Variants in KCNG4 observed in about 807,000 individuals in gnomAD.
KCNG4 encodes the protein potassium voltage-gated channel modifier subfamily G member 4, also known as voltage-gated potassium channel regulatory subunit KCNG4.
A neutral mutation model predicts 28.2 loss-of-function variants in KCNG4; 30 were observed. The observed-to-expected ratio is 1.06, with a 90% CI of 0.80 to 1.44. The LOEUF is 1.44. Among genes scored for constraint, KCNG4 ranks in the 40% most tolerant of loss-of-function variants. The pLI is 0.00. For synonymous variants in KCNG4, 375 were observed against 315.5 expected (o/e 1.19, Z -2.00); for missense variants, 879 against 712.3 (o/e 1.23, Z -2.66).
At position 84,236,817 on chromosome 16, in the gene KCNG4, G is replaced by A. The variant is rs370292291; in HGVS notation, c.669C>T (p.Phe223=). 14 of 1,613,732 alleles carry A rather than the reference G, an allele frequency of 8.7e-6. No individual in the cohort carries two copies. Among genetic ancestry groups the A allele is most frequent in the East Asian group, 2.2e-5 (1 of 44,864 alleles). The change falls in exon 2 of 3, where the codon TTC becomes TTT. Residue 223 remains phenylalanine, a synonymous_variant. Transcript: ENST00000308251. ...NPQSGLPGKV[F]ACLSILFVAT... is the part of the protein sequence containing the mutation. ...CCACGAAGAGGATGGAGAGGCAAGC[G>A]AAGACCTTCCCGGGCAGCCCGGACT...
intron 2 of KCNG4, among the ~76,000 whole-genome samples, chr16:84,223,823 C>T (rs1179150752): frequency 1.3e-5 from 2 of 152,146 alleles, no homozygotes; most frequent in African/African-American, 2.4e-5. Context: ...ATGGTTCTAA[C>T]CCCGGGCATT....
At chr16:84,227,883 G>C (rs1415011737) in intron 2 of KCNG4, among the ~76,000 whole-genome samples, 2 of 152,194 alleles carry the variant, frequency 1.3e-5, no homozygotes, top group Non-Finnish European at 2.9e-5. Context: ...AATCCACAGA[G>C]ACAGAAAGCA....
Position 84,239,659 on chromosome 16 carries a change from G to A in KCNG4, c.-41+11C>T, listed in dbSNP as rs1264184999. On this transcript the variant is annotated intron_variant, in intron 1 of 2. Coordinates refer to ENST00000308251, the MANE Select transcript of KCNG4 (RefSeq NM_172347.3). ...AGCAAGCAGTAACTCTTCCCCTCCA[G>A]TTTAACTCACCTTCTTGTCTCAGGG... 2 of 151,452 alleles carry A rather than the reference G, an allele frequency of 1.3e-5. No individual in the cohort carries two copies. The highest frequency in any genetic ancestry group is 2.1e-4 in the South Asian group (1 of 4,796). 9.4% of individuals were successfully genotyped at this position (151,452 alleles called of 1,614,324 possible).
chr16:84,224,522 T>G (rs1904654614), intron 2 of KCNG4, among the ~76,000 whole-genome samples: 1 of 152,192 alleles, frequency 6.6e-6, no homozygotes, highest in Non-Finnish European at 1.5e-5. Flanking sequence ...CAACCACAGT[T>G]TTCTCTGGAT....
chr16:84,236,087 G>C (rs1567627208), intron 2 of KCNG4: 2 of 152,270 alleles, frequency 1.3e-5, no homozygotes, highest in Non-Finnish European at 2.9e-5. Context: ...CCCATCCAGT[G>C]AGACTGGCCC....
At chr16:84,235,116 C>G (rs949788811) in intron 2 of KCNG4, among the ~76,000 whole-genome samples, 9 of 152,216 alleles carry the variant, frequency 5.9e-5, no homozygotes, top group Non-Finnish European at 1.2e-4. Flanking sequence ...CCTCTCCCCT[C>G]TAATTTGATT....
intron 2 of KCNG4, among the ~76,000 whole-genome samples, chr16:84,227,110 T>C (rs1904715732): frequency 1.3e-5 from 2 of 151,350 alleles, no homozygotes; most frequent in African/African-American, 4.9e-5. Context: ...CAAGTGTCGG[T>C]GAGATTGTGG....
Position 84,236,846 on chromosome 16 carries a change from G to C in KCNG4, c.640C>G (p.Pro214Ala). 1 of 1,613,632 alleles carries C rather than the reference G, an allele frequency of 6.2e-7. No homozygotes were observed. The highest frequency in any genetic ancestry group is 8.5e-7 in the Non-Finnish European group (1 of 1,180,034). Reference sequence around the variant, plus strand: ...ACCTTCCCGGGCAGCCCGGACTGCGGGTTTTCCACCATCTCGCGCAGCCGG... The same window carrying C: ...ACCTTCCCGGGCAGCCCGGACTGCGCGTTTTCCACCATCTCGCGCAGCCGG... Reference protein sequence around the residue: ...MNRLREMVENPQSGLPGKVFA... With the variant: ...MNRLREMVENAQSGLPGKVFA... Residue 214 changes from proline (P) to alanine (A), a missense_variant, in exon 2 of 3, where the codon CCG becomes GCG. By Grantham distance (27) the Pro-to-Ala change is conservative. Coordinates refer to ENST00000308251, the MANE Select transcript of KCNG4 (RefSeq NM_172347.3).
Position 84,218,833 on chromosome 16 carries a change from C to G in KCNG4, c.*3384G>C, listed in dbSNP as rs1489924433. The G allele has an allele frequency of 6.6e-6, 1 of 152,200 alleles. No individual in the cohort carries two copies. Among genetic ancestry groups the G allele is most frequent in the Non-Finnish European group, 1.5e-5 (1 of 68,030 alleles). The allele number at this position is 152,200 out of a possible 1,614,324, so 9.4% of individuals were successfully genotyped here. ...CACCTAATTTTGATTTTAAATGTTT[C>G]TTTTAGTGCTGGCACACTTTGGTGA... On this transcript the variant is annotated 3_prime_UTR_variant, in exon 3 of 3. Transcript: ENST00000308251.
intron 2 of KCNG4, among the ~76,000 whole-genome samples, chr16:84,223,416 G>GGGA (rs1567623686): frequency 6.6e-6 from 1 of 152,160 alleles, no homozygotes; most frequent in Non-Finnish European, 1.5e-5. Flanking sequence ...ACATCAAGGC[G>GGGA]GGAGAATCTG....
intron 2 of KCNG4, among the ~76,000 whole-genome samples, chr16:84,227,394 T>C (rs1360205365): frequency 6.6e-6 from 1 of 152,076 alleles, no homozygotes; most frequent in Non-Finnish European, 1.5e-5. Flanking sequence ...CTGGCCAACA[T>C]GGTAAAACCC....
In KCNG4 at chr16:84,236,811, G is replaced by C. The variant is rs542642043; in HGVS notation, c.675C>G (p.Cys225Trp). The C allele has an allele frequency of 1.3e-5, 21 of 1,613,626 alleles. No individual in the cohort carries two copies. Among genetic ancestry groups the C allele is most frequent in the Non-Finnish European group, 3.4e-6 (4 of 1,180,048 alleles). ...QSGLPGKVFACLSILFVATTA... is the reference protein window; with the variant it reads ...QSGLPGKVFAWLSILFVATTA... Reference sequence around the variant, plus strand: ...TGGTGGCCACGAAGAGGATGGAGAGGCAAGCGAAGACCTTCCCGGGCAGCC... The same window carrying C: ...TGGTGGCCACGAAGAGGATGGAGAGCCAAGCGAAGACCTTCCCGGGCAGCC... Residue 225 changes from cysteine (C) to tryptophan (W), a missense_variant, in exon 2 of 3, where the codon TGC (cysteine) becomes TGG (tryptophan). Physicochemically the swap from Cys to Trp is radical, Grantham distance 215 (BLOSUM62 -2). Coordinates refer to ENST00000308251, the MANE Select transcript of KCNG4 (RefSeq NM_172347.3).
chr16:84,231,653 CAGA>C (rs1300412856), intron 2 of KCNG4, among the ~76,000 whole-genome samples: 1 of 152,084 alleles, frequency 6.6e-6, no homozygotes, highest in Non-Finnish European at 1.5e-5. Flanking sequence ...ATTTTACCAG[CAGA>C]AGGTTGAGGT....
intron 1 of KCNG4, among the ~76,000 whole-genome samples, 162 bp from the exon 2 acceptor site, chr16:84,237,687 C>A (rs1483318508): frequency 6.6e-6 from 1 of 152,196 alleles, no homozygotes; most frequent in East Asian, 1.9e-4. Context: ...ATTTATTGAG[C>A]ACCTACTATG....
At position 84,221,924 on chromosome 16, in the gene KCNG4, G is replaced by A; in HGVS notation, c.*293C>T. On this transcript the variant is annotated 3_prime_UTR_variant, in exon 3 of 3. Transcript: ENST00000308251. ...CCTGGGATGTTAAAGCCTCTGCTGG[G>A]AAGGAAAAGAGAATGAAAGGAGACT... 2.4e-6 allele frequency: 1 copy of A among 410,940 alleles called. No homozygotes were observed. The highest frequency in any genetic ancestry group is 4.4e-6 in the Non-Finnish European group (1 of 228,238). 25.5% of individuals were successfully genotyped at this position (410,940 alleles called of 1,614,324 possible). A position where few individuals can be genotyped will look rare whatever the true frequency, so the allele number is the denominator to read the frequency against.
rs2151336958 is a variant in KCNG4, at chr16:84,226,479, TTTCAGTGTATG to T, written c.757-3470_757-3460del. On this transcript the variant is annotated intron_variant, in intron 2 of 2. Transcript: ENST00000308251. This position sits in a 1 kb window ranked among gnomAD's most constrained non-coding sequence, Gnocchi z 4.1. Reference sequence around the variant, plus strand: ...AAATTCTACACCTAGGATTTGTGCATTTCAGTGTATGTACATTTCACCTGTAAAACTGTAGA... The same window carrying T: ...AAATTCTACACCTAGGATTTGTGCATTACATTTCACCTGTAAAACTGTAGA... 6.6e-6 allele frequency among the ~76,000 whole-genome samples: 1 copy of T among 152,166 alleles called. No homozygotes were observed. Among genetic ancestry groups the T allele is most frequent in the East Asian group, 1.9e-4 (1 of 5,204 alleles).
intron 2 of KCNG4, among the ~76,000 whole-genome samples, chr16:84,234,838 C>T (rs999699613): frequency 2.0e-5 from 3 of 152,248 alleles, no homozygotes; most frequent in South Asian, 2.1e-4. Flanking sequence ...CATCCTTTTA[C>T]GTAAATGTAA....
intron 2 of KCNG4, among the ~76,000 whole-genome samples, chr16:84,225,207 A>C (rs1904670118): frequency 6.6e-6 from 1 of 151,984 alleles, no homozygotes; most frequent in African/African-American, 2.4e-5. Flanking sequence ...TCTCCAGCCC[A>C]CCGAGAGGTC....
intron 2 of KCNG4, among the ~76,000 whole-genome samples, chr16:84,232,856 G>C (rs1465235292): frequency 1.4e-5 from 2 of 139,274 alleles, no homozygotes; most frequent in East Asian, 4.2e-4. Flanking sequence ...CTGAGATTGT[G>C]CCACTGTACT....
Sources: gnomAD v4.1 joint callset for allele counts (sites outside exome capture counted in the v4.1 genomes callset) on GRCh38, gnomAD v4.1.1 for gene constraint, Gnocchi (gnomAD v3.1) non-coding constraint, MANE v1.5 for transcripts, NCBI Gene and HGNC (gene_info 2026-07-23, HGNC 2026-07-21) for gene names.